Variants in PDS5B observed in about 807,000 individuals in gnomAD.
The protein encoded by PDS5B is sister chromatid cohesion protein PDS5 homolog B.
Under a neutral mutation model 184.1 loss-of-function variants are expected in PDS5B, and 51 were observed. The ratio of observed to expected loss-of-function variants is 0.28; its 90% CI spans 0.22 to 0.35. PDS5B has a LOEUF of 0.35. Among genes scored for constraint, PDS5B ranks in the 10% least tolerant of loss-of-function variants. The pLI is 1.00. For synonymous variants in PDS5B, 566 were observed against 569.2 expected, an observed-to-expected ratio of 0.99 and a Z score of 0.08; for missense variants, 1,180 against 1,723.3, an observed-to-expected ratio of 0.68 and a Z score of 5.58.
chr13:32,646,995 C>T (rs1176782201), intron 1 of PDS5B, among the ~76,000 whole-genome samples: 3 of 152,088 alleles, frequency 2.0e-5, no homozygotes, highest in Non-Finnish European at 4.4e-5. Flanking sequence ...TTTCAAGGTA[C>T]TGTGTGTGCT....
rs993105873 is a variant in PDS5B, at chr13:32,705,144, C to T, written c.1857-1790C>T. ...GTTGTGGCCTTTTTTTGTAGTCCAT[C>T]TTGTTCTCTGATGATCTTTTTAATG... On this transcript the variant is annotated intron_variant, in intron 17 of 34. Transcript: ENST00000315596. Among the ~76,000 whole-genome samples the T allele has an allele frequency of 9.2e-5, 14 of 152,010 alleles. 1 individual carries two copies.
chr13:32,721,528 G>T (rs1952699164), intron 19 of PDS5B, among the ~76,000 whole-genome samples: 2 of 150,680 alleles, frequency 1.3e-5, no homozygotes, highest in African/African-American at 4.9e-5. Context: ...CCCAGACGGG[G>T]TGGCGGCCGG....
rs151162790 is a variant in PDS5B at position 32,766,594 on chromosome 13, A to T, written c.3624+2000A>T. ...GACCAGTAGATTATAATGAAAGAGC[A>T]CGGTCTCATTTGCTTGTTACCAGCT... On this transcript the variant is annotated intron_variant, in intron 31 of 34. Coordinates refer to ENST00000315596, the MANE Select transcript of PDS5B (RefSeq NM_015032.4). Among the ~76,000 whole-genome samples, 856 of 152,338 alleles carry T rather than the reference A, an allele frequency of 5.6e-3. 8 individuals are homozygous for T. The highest frequency in any genetic ancestry group is 0.019 in the African/African-American group (778 of 41,574).
chr13:32,624,286 G>T (rs909988493), intron 1 of PDS5B, among the ~76,000 whole-genome samples: 9 of 152,064 alleles, frequency 5.9e-5, no homozygotes, highest in African/African-American at 1.9e-4. Flanking sequence ...TATCAGAGTT[G>T]TCTTTTTGTC....
intron 3 of PDS5B, among the ~76,000 whole-genome samples, chr13:32,656,890 C>T (rs556570536): frequency 6.6e-6 from 1 of 152,184 alleles, no homozygotes; most frequent in Admixed American, 6.5e-5. Context: ...GCCACTGTGC[C>T]TGGCTGGTAT....
At chr13:32,738,852 A>G (rs1953436828) in intron 21 of PDS5B, among the ~76,000 whole-genome samples, 1 of 151,852 alleles carries the variant, frequency 6.6e-6, no homozygotes, top group East Asian at 1.9e-4. Context: ...TTGTATTTTT[A>G]GTAGAGATGG....
chr13:32,699,896 GA>G (rs1235020681), intron 16 of PDS5B, 27 bp downstream of exon 16: 3 of 1,518,024 alleles, frequency 2.0e-6, no homozygotes, highest in Admixed American at 2.5e-5. Context: ...GCTGATGTTT[GA>G]AAAAGCCCCC....
At chr13:32,748,499 G>T (rs1953844754) in intron 24 of PDS5B, among the ~76,000 whole-genome samples, 1 of 148,972 alleles carries the variant, frequency 6.7e-6, no homozygotes, top group Non-Finnish European at 1.5e-5. Context: ...TCTTCTGTGA[G>T]GATCTGTCTA....
chr13:32,758,173 A>G lies in PDS5B; in HGVS notation c.3143A>G (p.Lys1048Arg). 1.3e-6 allele frequency: 2 copies of G among 1,547,662 alleles called. No individual in the cohort carries two copies. The highest frequency in any genetic ancestry group is 1.8e-6 in the Non-Finnish European group (2 of 1,133,356). Residue 1048 changes from lysine to arginine, a missense_variant, in exon 27 of 35, where the codon AAA (lysine) becomes AGA (arginine). Physicochemically the swap from Lys to Arg is conservative, Grantham distance 26. Around this residue, in one of 11 missense-constraint regions of PDS5B, gnomAD observed 465 missense variants for 497.8 expected, o/e 0.93. Coordinates refer to ENST00000315596, the MANE Select transcript of PDS5B (RefSeq NM_015032.4). ...ATCAGAAAGATGGTAGAAAATATTA[A>G]ACAAACAAAAGATGCCCAAGGACCA... The part of the protein sequence containing the change: ...AFIRKMVENI[K>R]QTKDAQGPDD...
At position 32,777,348 on chromosome 13, in the gene PDS5B, TTTC is replaced by T. The variant is rs1312220943; in HGVS notation, c.*2299_*2301del. 1.6e-5 allele frequency: 2 copies of T among 123,092 alleles called. No homozygotes were observed. Among genetic ancestry groups the T allele is most frequent in the African/African-American group, 6.1e-5 (2 of 32,720 alleles). 7.6% of individuals were successfully genotyped at this position (123,092 alleles called of 1,614,324 possible). A position where few individuals can be genotyped will look rare whatever the true frequency, so the allele number is the denominator to read the frequency against. ...ACGATGTAAATTTTTCTTTTCTTTC[TTTC>T]TTTTTTTTTTTTTTTGTGTAGAAAA... On this transcript the variant is annotated 3_prime_UTR_variant, in exon 35 of 35. Transcript: ENST00000315596.
At chr13:32,718,047 G>A (rs192585618) in intron 19 of PDS5B, among the ~76,000 whole-genome samples, 6 of 152,186 alleles carry the variant, frequency 3.9e-5, no homozygotes, top group Admixed American at 1.3e-4. Flanking sequence ...TACAGAGAGC[G>A]TTGGTACAAT....
chr13:32,632,076 A>G lies in PDS5B; in HGVS notation c.-19-16678A>G, dbSNP rs1185793736. ...GATAAAAATGAGCTCAAAATGATCA[A>G]TGATGTAAATGTAAGATTTAAGCCT... On this transcript the variant is annotated intron_variant, in intron 1 of 34. Transcript: ENST00000315596. 2.6e-5 allele frequency among the ~76,000 whole-genome samples: 4 copies of G among 152,226 alleles called. No homozygotes were observed. The East Asian group carries it at 5.8e-4, about 22-fold the overall frequency.
chr13:32,701,407 G>A lies in PDS5B; in HGVS notation c.1825G>A (p.Ala609Thr). The A allele has an allele frequency of 6.2e-7, 1 of 1,609,596 alleles. No individual in the cohort carries two copies. Among genetic ancestry groups the A allele is most frequent in the Non-Finnish European group, 8.5e-7 (1 of 1,176,424 alleles). The change falls in exon 17 of 35, where the codon GCA (alanine) becomes ACA (threonine). Residue 609 changes from alanine to threonine, a missense_variant. This residue lies in a region of PDS5B where 475 missense variants were observed against 691.5 expected (regional missense o/e 0.69). Transcript: ENST00000315596. ...EMIKFLLERI[A>T]PVHIDTESIS... ...GATCAAGTTTCTCTTGGAGAGGATAGCACCTGTGCACATAGATACCGAATC... is the reference window on the plus strand; with the variant it reads ...GATCAAGTTTCTCTTGGAGAGGATAACACCTGTGCACATAGATACCGAATC...
chr13:32,722,180 C>G (rs569172864), intron 19 of PDS5B, among the ~76,000 whole-genome samples: 6 of 152,352 alleles, frequency 3.9e-5, no homozygotes, highest in Non-Finnish European at 8.8e-5. Context: ...CACGGCGAAA[C>G]CCCGTCTCCA....
chr13:32,632,973 C>T (rs1358531239), intron 1 of PDS5B, among the ~76,000 whole-genome samples: 2 of 152,086 alleles, frequency 1.3e-5, no homozygotes, highest in Admixed American at 6.6e-5. Flanking sequence ...TGGTGGCGCG[C>T]GCCTGTGGTC....
intron 31 of PDS5B, among the ~76,000 whole-genome samples, chr13:32,765,788 G>A (rs1032659921): frequency 6.6e-5 from 10 of 152,292 alleles, no homozygotes; most frequent in Non-Finnish European, 1.5e-4. Flanking sequence ...ATTTTTTAAA[G>A]GCGGGGTTTC....
intron 13 of PDS5B, 105 bp downstream of exon 13, chr13:32,688,674 G>T: frequency 1.3e-6 from 1 of 751,516 alleles, no homozygotes; most frequent in Non-Finnish European, 2.4e-6. Context: ...AATCTATGTA[G>T]TGTAAACATT....
intron 23 of PDS5B, among the ~76,000 whole-genome samples, chr13:32,745,020 A>G (rs562219714): frequency 6.6e-6 from 1 of 152,264 alleles, no homozygotes; most frequent in East Asian, 1.9e-4. Context: ...CCTTTATTTT[A>G]GCTAATATAT....
intron 1 of PDS5B, among the ~76,000 whole-genome samples, chr13:32,612,895 A>C (rs2058164725): frequency 6.6e-6 from 1 of 152,202 alleles, no homozygotes; most frequent in South Asian, 2.1e-4. Context: ...AGACTGTGGT[A>C]TTCTGTTACA....
Sources: allele counts gnomAD v4.1 joint callset (sites outside exome capture counted in the v4.1 genomes callset), GRCh38; gene constraint gnomAD v4.1.1; regional missense constraint gnomAD v4.1.1; transcripts MANE v1.5; gene names NCBI Gene and HGNC (gene_info 2026-07-23, HGNC 2026-07-21).